TRPM7: variants seen among roughly 807,000 people sequenced by gnomAD.
TRPM7 encodes the protein LTRPC ion channel family member 7.
A neutral mutation model predicts 229.7 loss-of-function variants in TRPM7; 134 were observed. The observed-to-expected ratio is 0.58, with a 90% confidence interval of 0.51 to 0.67. The LOEUF (loss-of-function observed/expected upper bound fraction) is 0.67, where lower values mean the gene tolerates loss of function less well. Among genes scored for constraint, TRPM7 ranks in the 30% least tolerant of loss-of-function variants. The pLI is 0.00. For synonymous variants in TRPM7, 699 were observed against 715.2 expected (o/e 0.98, Z 0.36); for missense variants, 1,901 against 2,210.0 (o/e 0.86, Z 2.80).
chr15:50,670,241 G>A (rs531335251), intron 1 of TRPM7, among the ~76,000 whole-genome samples: 1 of 152,048 alleles, frequency 6.6e-6, no homozygotes, highest in Non-Finnish European at 1.5e-5. Flanking sequence ...ATAAAAGAAG[G>A]GGGGAAACGT....
chr15:50,656,014 A>C (rs544061176), intron 3 of TRPM7, among the ~76,000 whole-genome samples: 7 of 152,068 alleles, frequency 4.6e-5, no homozygotes, highest in African/African-American at 1.4e-4. Context: ...AAAAACAAAA[A>C]AAAAAAACCC....
rs746493922 is a variant in TRPM7 at position 50,663,028 on chromosome 15, C to G, written c.22G>C (p.Glu8Gln). The G allele has an allele frequency of 1.2e-6, 2 of 1,613,568 alleles. No individual in the cohort carries two copies. Among genetic ancestry groups the G allele is most frequent in the South Asian group, 1.1e-5 (1 of 91,044 alleles). Residue 8 changes from glutamate to glutamine, a missense_variant, in exon 2 of 39, where the codon GAA becomes CAA. This residue lies in a region of TRPM7 where 794 missense variants were observed against 881.9 expected (regional missense o/e 0.90). Transcript: ENST00000646667. ...CATTCCCTCTTGGTCAAAGTGCTTT[C>G]TATCCAGGATTTCTGGGACTAAAAC... is the stretch of plus-strand genomic sequence containing the variant. MSQKSWI[E>Q]STLTKRECVY...
Position 50,590,367 on chromosome 15 carries a change from C to T in TRPM7, c.4325-711G>A, listed in dbSNP as rs1433400332. Among the ~76,000 whole-genome samples, 4 of 151,656 alleles carry T rather than the reference C, an allele frequency of 2.6e-5. No homozygotes were observed. In the East Asian group the frequency reaches 7.7e-4, roughly 29 times the overall value. On this transcript the variant is annotated intron_variant, in intron 26 of 38. Coordinates refer to ENST00000646667, the MANE Select transcript of TRPM7 (RefSeq NM_017672.6). ...GCCTATAACTTAAACAAAAACAGAA[C>T]AAAAATATTTTGGCAATAACACTTT...
At position 50,628,185 on chromosome 15, in the gene TRPM7, G is replaced by A; in HGVS notation, c.1269C>T (p.Ala423=). ...GTCCATAAACAAATACATGATTTTT[G>A]GCAATGTCAACTCTATCCCATGCCA... The part of the protein sequence containing the change: ...LTLAWDRVDI[A]KNHVFVYGQQ... The change falls in exon 11 of 39, where the codon GCC becomes GCT. Residue 423 remains alanine (A), a synonymous_variant. Transcript: ENST00000646667. 6.2e-7 allele frequency: 1 copy of A among 1,613,066 alleles called. No individual in the cohort carries two copies. Among genetic ancestry groups the A allele is most frequent in the Non-Finnish European group, 8.5e-7 (1 of 1,179,698 alleles).
chr15:50,647,287 C>T (rs151311122), intron 4 of TRPM7, among the ~76,000 whole-genome samples: 2,213 of 152,156 alleles, frequency 0.015, 60 homozygotes, highest in African/African-American at 0.051. Context: ...CGTGCCACCA[C>T]GCCCGACTAA....
intron 12 of TRPM7, 136 bp downstream of exon 12, chr15:50,624,030 T>A: frequency 1.1e-6 from 1 of 890,120 alleles, no homozygotes; most frequent in East Asian, 2.8e-5. Flanking sequence ...CAATCCATAC[T>A]AAGACTGGCT....
At chr15:50,580,719 C>T (rs987145304) in intron 30 of TRPM7, among the ~76,000 whole-genome samples, 155 bp downstream of exon 30, 1 of 151,960 alleles carries the variant, frequency 6.6e-6, no homozygotes, top group Non-Finnish European at 1.5e-5. Flanking sequence ...TAAACTTGTT[C>T]CCCTAATCTC....
At chr15:50,670,371 G>C (rs2061962303) in intron 1 of TRPM7, among the ~76,000 whole-genome samples, 1 of 152,116 alleles carries the variant, frequency 6.6e-6, no homozygotes, top group Non-Finnish European at 1.5e-5. Flanking sequence ...TGAGATGGGA[G>C]TCCAACATAA....
At chr15:50,572,856 T>C (rs1158813799) in intron 36 of TRPM7, among the ~76,000 whole-genome samples, 1 of 152,228 alleles carries the variant, frequency 6.6e-6, no homozygotes, top group African/African-American at 2.4e-5. Flanking sequence ...GTAATAAACA[T>C]TCTAAACAAT....
chr15:50,655,356 C>T (rs887889808), intron 3 of TRPM7, among the ~76,000 whole-genome samples: 1 of 150,496 alleles, frequency 6.6e-6, no homozygotes, highest in African/African-American at 2.4e-5. Context: ...TTGCTTGAAC[C>T]TGGGAGGCAG....
intron 15 of TRPM7, 39 bp downstream of exon 15, chr15:50,613,668 A>T (rs1350316043): frequency 7.5e-6 from 11 of 1,461,732 alleles, no homozygotes; most frequent in Non-Finnish European, 8.1e-6. Context: ...GAAAGAAGAA[A>T]ATAAAAACCC....
intron 3 of TRPM7, among the ~76,000 whole-genome samples, chr15:50,656,305 GTT>G (rs569086061): frequency 6.7e-6 from 1 of 149,852 alleles, no homozygotes; most frequent in African/African-American, 2.5e-5. Flanking sequence ...CTTTTTGTTT[GTT>G]TTTTTTTCTG....
chr15:50,662,028 G>A (rs1311318694), intron 2 of TRPM7, among the ~76,000 whole-genome samples: 1 of 151,960 alleles, frequency 6.6e-6, no homozygotes, highest in Non-Finnish European at 1.5e-5. Flanking sequence ...GACCAGCCTG[G>A]CCAACATAGT....
chr15:50,618,239 G>C (rs924125614), intron 13 of TRPM7, among the ~76,000 whole-genome samples: 1 of 152,046 alleles, frequency 6.6e-6, no homozygotes, highest in African/African-American at 2.4e-5. Context: ...CTGAGATCAT[G>C]ACAGTGTTAT....
At chr15:50,589,421 A>C (rs753548463) in intron 27 of TRPM7, among the ~76,000 whole-genome samples, 171 bp downstream of exon 27, 2 of 151,930 alleles carry the variant, frequency 1.3e-5, no homozygotes, top group African/African-American at 2.4e-5. Context: ...CATGTTCCTC[A>C]ATTGTTCATT....
At chr15:50,628,312 CTTTT>C (rs374839323) in intron 10 of TRPM7, 63 bp from the exon 11 acceptor site, 1 of 946,530 alleles carries the variant, frequency 1.1e-6, no homozygotes, top group Non-Finnish European at 1.6e-6. Flanking sequence ...AAGGTGAACA[CTTTT>C]TTTTTTTTTA....
At chr15:50,587,298 T>C (rs1369897329) in intron 27 of TRPM7, among the ~76,000 whole-genome samples, 1 of 152,094 alleles carries the variant, frequency 6.6e-6, no homozygotes, top group Admixed American at 6.6e-5. Context: ...CAAATTTCTT[T>C]TGACTATGTT....
intron 16 of TRPM7, among the ~76,000 whole-genome samples, chr15:50,611,886 C>T (rs1365777996): frequency 2.0e-5 from 3 of 152,200 alleles, no homozygotes; most frequent in Non-Finnish European, 2.9e-5. Context: ...TATTCCAACA[C>T]TGCCCCTCTA....
intron 22 of TRPM7, among the ~76,000 whole-genome samples, chr15:50,597,488 T>G (rs1397805380): frequency 6.6e-6 from 1 of 152,238 alleles, no homozygotes; most frequent in Non-Finnish European, 1.5e-5. Context: ...TTAAATAATT[T>G]TATGAATCTA....
Sources: gnomAD v4.1 joint callset for allele counts (sites outside exome capture counted in the v4.1 genomes callset) on GRCh38, gnomAD v4.1.1 for gene constraint, gnomAD v4.1.1 regional missense constraint, MANE v1.5 for transcripts, NCBI Gene and HGNC (gene_info 2026-07-23, HGNC 2026-07-21) for gene names.